Variants in NEIL3 observed in about 807,000 individuals in gnomAD.
NEIL3 encodes nei like DNA glycosylase 3, also known as endonuclease 8-like 3.
NEIL3 carries 48 observed loss-of-function variants against 57.5 expected under a neutral mutation model. That is an observed-to-expected ratio of 0.83 (90% CI 0.66 to 1.06). The LOEUF is 1.06. NEIL3 is among the 50% of genes least tolerant of loss of function. The pLI is 0.00. For missense variants in NEIL3, 717 were observed against 739.1 expected, an observed-to-expected ratio of 0.97 and a Z score of 0.35; for synonymous variants, 261 against 253.2, an observed-to-expected ratio of 1.03 and a Z score of -0.29.
At chr4:177,318,546 A>C (rs114048982) in intron 1 of NEIL3, among the ~76,000 whole-genome samples, 418 of 152,278 alleles carry the variant, frequency 2.7e-3, no homozygotes, top group African/African-American at 9.6e-3. Flanking sequence ...GATAGAGTAA[A>C]ATCAGAAAAT....
At chr4:177,356,862 A>C (rs1044223038) in intron 8 of NEIL3, 3 of 152,232 alleles carry the variant, frequency 2.0e-5, no homozygotes, top group Non-Finnish European at 2.9e-5. Context: ...CAATTACTGT[A>C]AACACAGAGC....
At chr4:177,318,875 T>C (rs1734624057) in intron 1 of NEIL3, among the ~76,000 whole-genome samples, 1 of 152,262 alleles carries the variant, frequency 6.6e-6, no homozygotes. Flanking sequence ...GTTTTATTTA[T>C]GGATGCATCC....
intron 8 of NEIL3, chr4:177,354,035 G>A: frequency 7.8e-6 from 2 of 255,108 alleles, no homozygotes; most frequent in East Asian, 1.0e-4. Context: ...CAAGGTGCTG[G>A]GATTTACAGG....
At chr4:177,329,367 A>G (rs1409593375) in intron 2 of NEIL3, among the ~76,000 whole-genome samples, 2 of 152,214 alleles carry the variant, frequency 1.3e-5, no homozygotes, top group African/African-American at 4.8e-5. Context: ...AACCACTTAA[A>G]ATATAATGAT....
At chr4:177,316,943 A>G (rs998121411) in intron 1 of NEIL3, among the ~76,000 whole-genome samples, 2 of 152,198 alleles carry the variant, frequency 1.3e-5, no homozygotes, top group Non-Finnish European at 2.9e-5. Flanking sequence ...AGCAAGGAAG[A>G]GGTTTTACTA....
intron 4 of NEIL3, 84 bp downstream of exon 4, chr4:177,336,405 C>A: frequency 2.0e-6 from 2 of 987,440 alleles, no homozygotes; most frequent in Non-Finnish European, 1.5e-6. Flanking sequence ...CTCTGCATTT[C>A]AGTAACACAG....
At chr4:177,357,276 T>C (rs1049902635) in intron 8 of NEIL3, among the ~76,000 whole-genome samples, 2 of 152,244 alleles carry the variant, frequency 1.3e-5, no homozygotes, top group African/African-American at 4.8e-5. Flanking sequence ...TAAACCAAGC[T>C]TGTCCAACCA....
At chr4:177,313,893 T>G (rs916000770) in intron 1 of NEIL3, among the ~76,000 whole-genome samples, 4 of 152,234 alleles carry the variant, frequency 2.6e-5, no homozygotes, top group Non-Finnish European at 4.4e-5. Context: ...AAATTCCATT[T>G]GGACTCTTTC....
intron 8 of NEIL3, among the ~76,000 whole-genome samples, chr4:177,355,252 A>G (rs1189490493): frequency 2.6e-5 from 4 of 152,182 alleles, no homozygotes; most frequent in Admixed American, 1.3e-4. Flanking sequence ...TTTCTTGCCA[A>G]TGGGAGACAG....
rs1735031460 is a variant in NEIL3, at chr4:177,338,986, A to T, written c.628-797A>T. 2.6e-5 allele frequency among the ~76,000 whole-genome samples: 4 copies of T among 152,332 alleles called. No individual in the cohort carries two copies. The South Asian group carries it at 8.3e-4, about 32-fold the overall frequency. ...TTACAATTAAAATGTATAAATAGGA[A>T]TCATATTTTGTCAGTAATATTATCA... On this transcript the variant is annotated intron_variant, in intron 4 of 9. Coordinates refer to ENST00000264596, the MANE Select transcript of NEIL3 (RefSeq NM_018248.3).
At position 177,338,364 on chromosome 4, in the gene NEIL3, G is replaced by A. The variant is rs34575279; in HGVS notation, c.628-1419G>A. Reference sequence around the variant, plus strand: ...GTTGCAGTACTCCTGCCTATACCAAGTCCATACATACTGAAGTCCTGCAGT... The same window carrying A: ...GTTGCAGTACTCCTGCCTATACCAAATCCATACATACTGAAGTCCTGCAGT... On this transcript the variant is annotated intron_variant, in intron 4 of 9. Coordinates refer to ENST00000264596, the MANE Select transcript of NEIL3 (RefSeq NM_018248.3). 9.1e-3 allele frequency among the ~76,000 whole-genome samples: 1,381 copies of A among 152,210 alleles called. 23 individuals are homozygous for A. The highest frequency in any genetic ancestry group is 0.032 in the African/African-American group (1,312 of 41,518).
At chr4:177,355,407 T>G (rs1422677044) in intron 8 of NEIL3, among the ~76,000 whole-genome samples, 1 of 152,252 alleles carries the variant, frequency 6.6e-6, no homozygotes, top group Non-Finnish European at 1.5e-5. Context: ...TTTTCATATA[T>G]TTAACTCATC....
chr4:177,369,040 T>C, the NEIL3 span, among the ~76,000 whole-genome samples: 1 of 152,250 alleles, frequency 6.6e-6, no homozygotes, highest in Non-Finnish European at 1.5e-5. Context: ...TTTAATTCAA[T>C]TAATCTCTGT....
At chr4:177,351,993 G>T (rs3805171) in intron 7 of NEIL3, among the ~76,000 whole-genome samples, 6,094 of 152,164 alleles carry the variant, frequency 0.04, 132 homozygotes, top group South Asian at 0.068. Flanking sequence ...CTTCTACCCC[G>T]TGCTATTAAA....
chr4:177,368,889 GAC>G, the NEIL3 span, among the ~76,000 whole-genome samples: 56 of 151,544 alleles, frequency 3.7e-4, no homozygotes, highest in African/African-American at 1.3e-3. Flanking sequence ...AGGGAAAGAA[GAC>G]ACAGAAATAA....
At chr4:177,352,539 T>C (rs1735378039) in intron 7 of NEIL3, among the ~76,000 whole-genome samples, 1 of 152,134 alleles carries the variant, frequency 6.6e-6, no homozygotes, top group African/African-American at 2.4e-5. Context: ...ATTTAATAGA[T>C]GTTAAGTCTG....
At chr4:177,345,039 C>T (rs1019091715) in intron 6 of NEIL3, among the ~76,000 whole-genome samples, 4 of 151,990 alleles carry the variant, frequency 2.6e-5, no homozygotes, top group African/African-American at 9.7e-5. Flanking sequence ...AATACAAAGA[C>T]AAAATAGAAC....
At chr4:177,331,287 G>T (rs1018970607) in intron 2 of NEIL3, among the ~76,000 whole-genome samples, 3 of 150,770 alleles carry the variant, frequency 2.0e-5, no homozygotes, top group Admixed American at 6.6e-5. Flanking sequence ...CTATATTCAG[G>T]TTCACTTATT....
At chr4:177,370,568 T>C in the NEIL3 span, among the ~76,000 whole-genome samples, 1 of 152,152 alleles carries the variant, frequency 6.6e-6, no homozygotes, top group African/African-American at 2.4e-5. Context: ...TATTGACTTC[T>C]CTAATAAAAG....
Sources: allele counts gnomAD v4.1 joint callset (sites outside exome capture counted in the v4.1 genomes callset), GRCh38; gene constraint gnomAD v4.1.1; transcripts MANE v1.5; gene names NCBI Gene and HGNC (gene_info 2026-07-23, HGNC 2026-07-21).